Variants in AMOTL1 observed in about 807,000 individuals in gnomAD.
AMOTL1 encodes the protein angiomotin-like protein 1.
A neutral mutation model predicts 102.9 loss-of-function variants in AMOTL1; 45 were observed. That is an observed-to-expected ratio of 0.44 (90% confidence interval 0.34 to 0.56). AMOTL1 has a LOEUF of 0.56. AMOTL1 is among the 20% of genes least tolerant of loss of function. The pLI is 0.01. For synonymous variants in AMOTL1, 481 were observed against 484.7 expected (o/e 0.99, Z 0.10); for missense variants, 1,114 against 1,225.6 (o/e 0.91, Z 1.36).
chr11:94,708,940 A>G (rs946674959), intron 1 of AMOTL1, among the ~76,000 whole-genome samples: 1 of 152,218 alleles, frequency 6.6e-6, no homozygotes, highest in Non-Finnish European at 1.5e-5. Flanking sequence ...AAATAGATCT[A>G]TATCAAGCAG....
chr11:94,763,363 G>C (rs1362080756), upstream of AMOTL1, among the ~76,000 whole-genome samples: 1 of 152,324 alleles, frequency 6.6e-6, no homozygotes, highest in East Asian at 1.9e-4. Context: ...ACAGTTTGCA[G>C]GGCAGGGCAT....
chr11:94,755,393 T>G (rs1294904769), intron 3 of AMOTL1, among the ~76,000 whole-genome samples: 2 of 152,206 alleles, frequency 1.3e-5, no homozygotes, highest in Admixed American at 1.3e-4. Context: ...AATGCCGTCC[T>G]CCTTAATGCA....
Position 94,875,536 on chromosome 11 carries a change from A to G in AMOTL1, c.*4741A>G, listed in dbSNP as rs1376670850. ...GTGCTCATTGACTATAGTGCTGCCA[A>G]GTAAAAATATCTTGGGAACTCTTCT... is the stretch of plus-strand genomic sequence containing the variant. On this transcript the variant is annotated 3_prime_UTR_variant, in exon 13 of 13. Transcript: ENST00000433060. 1 of 152,194 alleles carries G rather than the reference A, an allele frequency of 6.6e-6. No individual in the cohort carries two copies. Among genetic ancestry groups the G allele is most frequent in the African/African-American group, 2.4e-5 (1 of 41,430 alleles). The allele number at this position is 152,194 out of a possible 1,614,324, so 9.4% of individuals were successfully genotyped here.
At chr11:94,857,087 G>C (rs1952682929) in intron 8 of AMOTL1, among the ~76,000 whole-genome samples, 1 of 152,150 alleles carries the variant, frequency 6.6e-6, no homozygotes, top group South Asian at 2.1e-4. Context: ...GTTGAATCCT[G>C]CCTCCCACCA....
chr11:94,774,839 A>G (rs1951001726), intron 1 of AMOTL1, among the ~76,000 whole-genome samples: 1 of 152,232 alleles, frequency 6.6e-6, no homozygotes, highest in Non-Finnish European at 1.5e-5. Context: ...TTGTTCATCT[A>G]TAAGTAATTG....
intron 6 of AMOTL1, among the ~76,000 whole-genome samples, chr11:94,837,410 A>G (rs1328879851): frequency 6.6e-6 from 1 of 152,226 alleles, no homozygotes; most frequent in Non-Finnish European, 1.5e-5. Context: ...CTATTTTGGC[A>G]TGCACCTTCT....
intron 1 of AMOTL1, among the ~76,000 whole-genome samples, chr11:94,719,348 G>A (rs1950142056): frequency 6.6e-6 from 1 of 151,948 alleles, no homozygotes; most frequent in Non-Finnish European, 1.5e-5. Flanking sequence ...CTAGGCTAGG[G>A]TAGGGTGTGG....
chr11:94,839,651 A>G (rs1952256335), intron 6 of AMOTL1, among the ~76,000 whole-genome samples: 1 of 152,156 alleles, frequency 6.6e-6, no homozygotes. Flanking sequence ...CAAAGAAGAA[A>G]CTGCAACCGG....
Position 94,759,571 on chromosome 11 carries a change from C to CAAA in AMOTL1, c.136+18598_136+18600dup, listed in dbSNP as rs59815376. Among the ~76,000 whole-genome samples, 495 of 129,814 alleles carry CAAA rather than the reference C, an allele frequency of 3.8e-3. 11 individuals are homozygous for CAAA. Among genetic ancestry groups the CAAA allele is most frequent in the South Asian group, 0.03 (115 of 3,846 alleles). The allele number at this position is 129,814 out of a possible 152,430, so 85.2% of individuals were successfully genotyped here. A position where few individuals can be genotyped will look rare whatever the true frequency, so the allele number is the denominator to read the frequency against. On this transcript the variant is annotated intron_variant, in intron 3 of 4. Coordinates refer to the AMOTL1 transcript ENST00000299004. ...AGTGAAGTTTTTCATCTTTTAGGTGCAAAAAAAAAAAAAAAAAGGGCAAGA... is the reference window on the plus strand; with the variant it reads ...AGTGAAGTTTTTCATCTTTTAGGTGCAAAAAAAAAAAAAAAAAAAAGGGCAAGA...
intron 2 of AMOTL1, among the ~76,000 whole-genome samples, chr11:94,739,738 C>T (rs748059613): frequency 2.0e-5 from 3 of 152,102 alleles, no homozygotes; most frequent in East Asian, 1.9e-4. Flanking sequence ...CCATCAGCTG[C>T]GGGGCTCTCT....
At chr11:94,847,957 G>C (rs780588770) in intron 6 of AMOTL1, among the ~76,000 whole-genome samples, 1 of 152,048 alleles carries the variant, frequency 6.6e-6, no homozygotes, top group Non-Finnish European at 1.5e-5. Flanking sequence ...TCAACAAAGA[G>C]AAGAACTTTT....
chr11:94,858,817 G>A (rs1338283003), intron 8 of AMOTL1, among the ~76,000 whole-genome samples: 1 of 152,206 alleles, frequency 6.6e-6, no homozygotes, highest in Non-Finnish European at 1.5e-5. Flanking sequence ...AAAGGAAAAA[G>A]ATTCTGAAGT....
At chr11:94,712,697 G>A (rs1950038042) in intron 1 of AMOTL1, among the ~76,000 whole-genome samples, 1 of 151,862 alleles carries the variant, frequency 6.6e-6, no homozygotes, top group Non-Finnish European at 1.5e-5. Flanking sequence ...GTTTTTCACT[G>A]TTGAGTGTTG....
rs77119602 is a variant in AMOTL1, at chr11:94,780,557, C to T, written c.49+11997C>T. Reference sequence around the variant, plus strand: ...TCTTATCTGCCTGAGCATCTTGCTGCTGTTCTATTTTAAAGAGCTCACTGA... The same window carrying T: ...TCTTATCTGCCTGAGCATCTTGCTGTTGTTCTATTTTAAAGAGCTCACTGA... On this transcript the variant is annotated intron_variant, in intron 1 of 12. Transcript: ENST00000433060. Among the ~76,000 whole-genome samples, 1,214 of 152,342 alleles carry T rather than the reference C, an allele frequency of 8.0e-3. 17 individuals are homozygous for T. The highest frequency in any genetic ancestry group is 0.033 in the South Asian group (161 of 4,830).
At chr11:94,836,785 G>A (rs1952192555) in intron 6 of AMOTL1, among the ~76,000 whole-genome samples, 1 of 145,120 alleles carries the variant, frequency 6.9e-6, no homozygotes, top group Admixed American at 7.0e-5. Flanking sequence ...TAGAATAGAA[G>A]AATATCCAGA....
At chr11:94,814,947 G>A (rs1011721788) in intron 3 of AMOTL1, among the ~76,000 whole-genome samples, 3 of 152,110 alleles carry the variant, frequency 2.0e-5, no homozygotes, top group Non-Finnish European at 2.9e-5. Flanking sequence ...GCTTAGCACT[G>A]GGCATTCATG....
chr11:94,759,006 A>G (rs1412359157), intron 3 of AMOTL1, among the ~76,000 whole-genome samples: 1 of 152,252 alleles, frequency 6.6e-6, no homozygotes, highest in African/African-American at 2.4e-5. Flanking sequence ...TTATTTCAAG[A>G]TGAATTTCTA....
At chr11:94,720,474 A>C (rs577040716) in intron 1 of AMOTL1, among the ~76,000 whole-genome samples, 1 of 152,218 alleles carries the variant, frequency 6.6e-6, no homozygotes, top group South Asian at 2.1e-4. Flanking sequence ...CTGGAGAATC[A>C]CTTTGTTAAA....
chr11:94,783,456 T>C (rs1951139121), intron 1 of AMOTL1, among the ~76,000 whole-genome samples: 1 of 152,218 alleles, frequency 6.6e-6, no homozygotes, highest in South Asian at 2.1e-4. Context: ...CACTGGGCTT[T>C]GTAGTGAACT....
Sources: allele counts gnomAD v4.1 joint callset (sites outside exome capture counted in the v4.1 genomes callset), GRCh38; gene constraint gnomAD v4.1.1; transcripts MANE v1.5; gene names NCBI Gene and HGNC (gene_info 2026-07-23, HGNC 2026-07-21).